SYNRG: variants seen among roughly 807,000 people sequenced by gnomAD.
SYNRG encodes AP1 gamma subunit binding protein 1.
In SYNRG, 37 loss-of-function variants were observed where a neutral mutation model predicts 130.9. The ratio of observed to expected loss-of-function variants is 0.28; its 90% CI spans 0.22 to 0.37. SYNRG has a LOEUF of 0.37. SYNRG is among the 10% of genes least tolerant of loss of function. The pLI is 1.00. For missense variants in SYNRG, 1,338 were observed against 1,588.9 expected (o/e 0.84, Z 2.68); for synonymous variants, 539 against 568.1 (o/e 0.95, Z 0.73).
In SYNRG at chr17:37,542,097, T is replaced by C. The variant is rs2057811635; in HGVS notation, c.3077A>G (p.Glu1026Gly). 1.2e-6 allele frequency: 2 copies of C among 1,614,202 alleles called. No homozygotes were observed. The highest frequency in any genetic ancestry group is 1.3e-5 in the African/African-American group (1 of 75,042). ...TPNECSDDFG[E>G]FQSEKPKISK... Reference sequence around the variant, plus strand: ...GATTTTGGGCTTTTCACTTTGAAACTCTCCAAAGTCATCCGAACATTCGTT... The same window carrying C: ...GATTTTGGGCTTTTCACTTTGAAACCCTCCAAAGTCATCCGAACATTCGTT... The change falls in exon 15 of 22, where the codon GAG becomes GGG. Residue 1026 changes from glutamate (E) to glycine (G), a missense_variant. Physicochemically the swap from Glu to Gly is moderately conservative, Grantham distance 98 (BLOSUM62 -2). This residue lies in a region of SYNRG where 1,146 missense variants were observed against 1,342.3 expected (regional missense o/e 0.85). Coordinates refer to ENST00000612223, the MANE Select transcript of SYNRG (RefSeq NM_007247.6).
chr17:37,554,171 C>A, intron 13 of SYNRG, 112 bp from the exon 14 acceptor site: 1 of 918,094 alleles, frequency 1.1e-6, no homozygotes, highest in Non-Finnish European at 1.6e-6. Context: ...ACTGACTTGA[C>A]ATTACTTAAT....
chr17:37,522,631 C>T (rs1340275771), intron 19 of SYNRG, among the ~76,000 whole-genome samples: 2 of 141,034 alleles, frequency 1.4e-5, no homozygotes, highest in Non-Finnish European at 3.0e-5. Flanking sequence ...CCATGCCCAG[C>T]TAACACTTTT....
chr17:37,568,615 T>C lies in SYNRG; in HGVS notation c.1481+176A>G, dbSNP rs539413544. The C allele has an allele frequency of 4.8e-6, 3 of 622,418 alleles. No individual in the cohort carries two copies. In the East Asian group the frequency reaches 9.0e-5, roughly 19 times the overall value. 38.6% of individuals were successfully genotyped at this position (622,418 alleles called of 1,614,324 possible). A position where few individuals can be genotyped will look rare whatever the true frequency, so the allele number is the denominator to read the frequency against. On this transcript the variant is annotated intron_variant, in intron 11 of 21. Coordinates refer to ENST00000612223, the MANE Select transcript of SYNRG (RefSeq NM_007247.6). ...AAACAGTAGGAGCTGAAGTTTAAGA[T>C]GGACAAAGGGGAGAGAAGTTTGAAA...
chr17:37,577,800 G>A (rs1207567636), intron 6 of SYNRG, among the ~76,000 whole-genome samples, 187 bp from the exon 7 acceptor site: 2 of 146,536 alleles, frequency 1.4e-5, no homozygotes, highest in African/African-American at 5.1e-5. Flanking sequence ...CCAGGTTCAA[G>A]CAATTCTCCT....
At chr17:37,525,791 C>G (rs994308707) in intron 19 of SYNRG, among the ~76,000 whole-genome samples, 6 of 152,228 alleles carry the variant, frequency 3.9e-5, no homozygotes, top group African/African-American at 1.4e-4. Flanking sequence ...CATGGTGAAA[C>G]CCCGTCTCTA....
At chr17:37,532,780 C>T (rs566451973) in intron 19 of SYNRG, among the ~76,000 whole-genome samples, 125 of 151,606 alleles carry the variant, frequency 8.2e-4, no homozygotes, top group African/African-American at 2.9e-3. Context: ...AATCACTTCA[C>T]GTTTTTGCTC....
intron 3 of SYNRG, among the ~76,000 whole-genome samples, chr17:37,588,769 A>G (rs1025396007): frequency 1.3e-5 from 2 of 151,322 alleles, no homozygotes; most frequent in Admixed American, 6.6e-5. Flanking sequence ...CATTTCACCC[A>G]AAGTATATAA....
At chr17:37,577,714 T>C (rs2146232657) in intron 6 of SYNRG, 101 bp from the exon 7 acceptor site, 1 of 917,762 alleles carries the variant, frequency 1.1e-6, no homozygotes, top group East Asian at 2.6e-5. Context: ...TTTTTTTTTT[T>C]TTGAGATGGA....
At chr17:37,556,220 C>T (rs1289831609) in intron 13 of SYNRG, among the ~76,000 whole-genome samples, 4 of 152,032 alleles carry the variant, frequency 2.6e-5, no homozygotes, top group Non-Finnish European at 5.9e-5. Flanking sequence ...AAGGCCAAGG[C>T]GGGTGGGTCA....
chr17:37,520,285 T>C, intron 20 of SYNRG, 71 bp from the exon 21 acceptor site: 2 of 1,598,048 alleles, frequency 1.3e-6, no homozygotes, highest in Non-Finnish European at 1.7e-6. Flanking sequence ...AACACATCTT[T>C]ACAGGTTCAC....
chr17:37,601,769 A>T (rs528692017), intron 1 of SYNRG, among the ~76,000 whole-genome samples: 1 of 152,088 alleles, frequency 6.6e-6, no homozygotes, highest in East Asian at 2.0e-4. Flanking sequence ...GGCTCAAGTG[A>T]TTCTACTGCC....
At chr17:37,537,891 T>C (rs1166868253) in intron 18 of SYNRG, among the ~76,000 whole-genome samples, 1 of 152,160 alleles carries the variant, frequency 6.6e-6, no homozygotes, top group Non-Finnish European at 1.5e-5. Context: ...AACACCGAAG[T>C]GGACAGAGAC....
intron 16 of SYNRG, 48 bp from the exon 17 acceptor site, chr17:37,539,293 C>G (rs369388296): frequency 1.3e-5 from 21 of 1,590,646 alleles, no homozygotes; most frequent in Non-Finnish European, 1.7e-5. Flanking sequence ...AACCTGGAAT[C>G]TTCTATTGAT....
At chr17:37,551,938 C>T (rs995295820) in intron 14 of SYNRG, among the ~76,000 whole-genome samples, 1 of 151,480 alleles carries the variant, frequency 6.6e-6, no homozygotes, top group African/African-American at 2.4e-5. Context: ...AGACCGCCCA[C>T]TGCATTTGAA....
rs1194973261 is a variant in SYNRG, at chr17:37,534,188, C to A, written c.3666+1791G>T. 2.6e-5 allele frequency among the ~76,000 whole-genome samples: 4 copies of A among 151,568 alleles called. No individual in the cohort carries two copies. In the East Asian group the frequency reaches 7.7e-4, roughly 29 times the overall value. ...CGAACTCCTGGCCTCAATTGTTCTG[C>A]CCGCCTTGGCCTCCCAAAGTGCTGG... is the stretch of plus-strand genomic sequence containing the variant. On this transcript the variant is annotated intron_variant, in intron 19 of 21. Transcript: ENST00000612223.
At chr17:37,540,672 T>C in intron 15 of SYNRG, 129 bp from the exon 16 acceptor site, 1 of 1,068,284 alleles carries the variant, frequency 9.4e-7, no homozygotes. Context: ...TCTTGCTCTG[T>C]CGCTCAGACT....
chr17:37,598,504 G>A (rs1287088900), intron 2 of SYNRG, among the ~76,000 whole-genome samples: 2 of 152,196 alleles, frequency 1.3e-5, no homozygotes, highest in African/African-American at 4.8e-5. Flanking sequence ...ATTTCTGAAT[G>A]GGTAACTCAG....
chr17:37,540,583 T>G, intron 15 of SYNRG, 40 bp from the exon 16 acceptor site: 1 of 1,582,132 alleles, frequency 6.3e-7, no homozygotes, highest in Non-Finnish European at 8.6e-7. Context: ...TTTTGGCTAC[T>G]CACCTTAGTT....
At chr17:37,576,126 AAAACT>A (rs1393945337) in intron 8 of SYNRG, among the ~76,000 whole-genome samples, 1 of 152,208 alleles carries the variant, frequency 6.6e-6, no homozygotes, top group Non-Finnish European at 1.5e-5. Flanking sequence ...ACATTAAAAC[AAAACT>A]ATTCTCCTCT....
Sources: gnomAD v4.1 joint callset for allele counts (sites outside exome capture counted in the v4.1 genomes callset) on GRCh38, gnomAD v4.1.1 for gene constraint, gnomAD v4.1.1 regional missense constraint, MANE v1.5 for transcripts, NCBI Gene and HGNC (gene_info 2026-07-23, HGNC 2026-07-21) for gene names.